Variants in SVEP1 observed in about 807,000 individuals in gnomAD.
SVEP1 encodes the protein sushi, von Willebrand factor type A, EGF and pentraxin domain containing 1.
Under a neutral mutation model 367.3 loss-of-function variants are expected in SVEP1, and 164 were observed. The observed-to-expected ratio is 0.45, with a 90% CI of 0.39 to 0.51. SVEP1 has a LOEUF of 0.51. SVEP1 is among the 20% of genes least tolerant of loss of function. The pLI is 0.00. For missense variants in SVEP1, 4,117 were observed against 4,425.3 expected (o/e 0.93, Z 1.98); for synonymous variants, 1,666 against 1,611.6 (o/e 1.03, Z -0.81).
At chr9:110,478,442 C>T (rs1003486759) in intron 13 of SVEP1, among the ~76,000 whole-genome samples, 4 of 152,190 alleles carry the variant, frequency 2.6e-5, no homozygotes, top group African/African-American at 9.7e-5. Flanking sequence ...TTTAACAGCA[C>T]ATCCTATTCC....
At chr9:110,560,061 T>C (rs1005437270) in intron 1 of SVEP1, among the ~76,000 whole-genome samples, 1 of 152,146 alleles carries the variant, frequency 6.6e-6, no homozygotes, top group African/African-American at 2.4e-5. Flanking sequence ...CATAATGATG[T>C]TTTGGTCAAT....
At chr9:110,497,784 TTTTAA>T in intron 7 of SVEP1, among the ~76,000 whole-genome samples, 1 of 152,370 alleles carries the variant, frequency 6.6e-6, no homozygotes, top group East Asian at 1.9e-4. Context: ...ACATCTTTTA[TTTTAA>T]TTTATGTTAA....
chr9:110,443,266 T>C (rs1423335649), intron 27 of SVEP1: 1 of 327,844 alleles, frequency 3.1e-6, no homozygotes, highest in African/African-American at 2.1e-5. Flanking sequence ...TTAATCTCCT[T>C]AGAAGACAGT....
At chr9:110,435,512 G>T in intron 28 of SVEP1, 148 bp from the exon 29 acceptor site, 1 of 882,524 alleles carries the variant, frequency 1.1e-6, no homozygotes, top group Non-Finnish European at 1.7e-6. Flanking sequence ...GGCAGCAGGA[G>T]ATTCTCTTCT....
intron 38 of SVEP1, among the ~76,000 whole-genome samples, chr9:110,405,306 TC>T (rs1827938222): frequency 6.6e-6 from 1 of 151,580 alleles, no homozygotes; most frequent in African/African-American, 2.4e-5. Flanking sequence ...ACAGCATAAT[TC>T]ATATGTATTA....
At chr9:110,432,087 T>C (rs1451291494) in intron 31 of SVEP1, 53 bp from the exon 32 acceptor site, 1 of 1,539,054 alleles carries the variant, frequency 6.5e-7, no homozygotes, top group East Asian at 2.3e-5. Flanking sequence ...TCCGTATGTA[T>C]CAAACATCTG....
chr9:110,503,594 T>C (rs1829574865), intron 5 of SVEP1, among the ~76,000 whole-genome samples: 1 of 152,120 alleles, frequency 6.6e-6, no homozygotes, highest in African/African-American at 2.4e-5. Flanking sequence ...CAAAAGGAAG[T>C]GGTATTTTCC....
intron 8 of SVEP1, among the ~76,000 whole-genome samples, chr9:110,491,980 A>T (rs1007035599): frequency 6.6e-6 from 1 of 151,790 alleles, no homozygotes; most frequent in Non-Finnish European, 1.5e-5. Context: ...AAATTCCCAC[A>T]GCACTCAGGA....
At chr9:110,380,925 T>C (rs758548553) in intron 43 of SVEP1, among the ~76,000 whole-genome samples, 13 of 152,202 alleles carry the variant, frequency 8.5e-5, no homozygotes, top group Admixed American at 4.6e-4. Flanking sequence ...TGGAAGGGTA[T>C]ATCTGTCTAG....
At chr9:110,397,618 C>T (rs1827785558) in intron 40 of SVEP1, among the ~76,000 whole-genome samples, 1 of 145,944 alleles carries the variant, frequency 6.9e-6, no homozygotes, top group Non-Finnish European at 1.5e-5. Context: ...CCAAAATCTC[C>T]TTAAGTGGAT....
In SVEP1 at chr9:110,411,720, A is replaced by T; in HGVS notation, c.5991T>A (p.Gly1997=). 6.3e-7 allele frequency: 1 copy of T among 1,581,164 alleles called. No homozygotes were observed. The highest frequency in any genetic ancestry group is 8.6e-7 in the Non-Finnish European group (1 of 1,163,536). ...YTCKEGYTLA[G]LDTIECLADG... is the part of the protein sequence containing the mutation. ...CGGCCAGGCATTCAATGGTGTCAAG[A>T]CCAGCAAGAGTATAGCTGTGAGGTT... The change falls in exon 37 of 48, where the codon GGT becomes GGA. Residue 1997 remains glycine, a synonymous_variant. Coordinates refer to ENST00000374469, the MANE Select transcript of SVEP1 (RefSeq NM_153366.4).
intron 46 of SVEP1, among the ~76,000 whole-genome samples, chr9:110,372,047 C>G (rs977997408): frequency 6.6e-6 from 1 of 152,174 alleles, no homozygotes; most frequent in Non-Finnish European, 1.5e-5. Context: ...GGATGCTGCC[C>G]ATCTTTAGAG....
rs2118746742 is a variant in SVEP1 at position 110,499,314 on chromosome 9, A to G, written c.1484-76T>C. Reference sequence around the variant, plus strand: ...ATGCCATGGATTCTTTTTACTCAAGAAAAATACAATTATGCTGCCTTAGGA... The same window carrying G: ...ATGCCATGGATTCTTTTTACTCAAGGAAAATACAATTATGCTGCCTTAGGA... On this transcript the variant is annotated intron_variant, in intron 6 of 47. Transcript: ENST00000374469. The G allele has an allele frequency of 3.7e-6, 5 of 1,351,592 alleles. No homozygotes were observed. In the South Asian group the frequency reaches 7.0e-5, roughly 19 times the overall value. 83.7% of individuals were successfully genotyped at this position (1,351,592 alleles called of 1,614,324 possible). A position where few individuals can be genotyped will look rare whatever the true frequency, so the allele number is the denominator to read the frequency against.
At chr9:110,434,030 T>G (rs1284745752) in intron 30 of SVEP1, among the ~76,000 whole-genome samples, 1 of 152,086 alleles carries the variant, frequency 6.6e-6, no homozygotes, top group African/African-American at 2.4e-5. Flanking sequence ...TGAAGATGGC[T>G]CTCCCTGTTT....
At chr9:110,426,979 C>T (rs1277120810) in intron 36 of SVEP1, among the ~76,000 whole-genome samples, 4 of 152,074 alleles carry the variant, frequency 2.6e-5, no homozygotes, top group Non-Finnish European at 5.9e-5. Context: ...TATAAATACA[C>T]GAACGCTCAC....
chr9:110,547,546 T>G (rs535671730), intron 2 of SVEP1, among the ~76,000 whole-genome samples: 1 of 152,144 alleles, frequency 6.6e-6, no homozygotes, highest in South Asian at 2.1e-4. Flanking sequence ...CTGCACTATA[T>G]AGCCTGTGTG....
rs1363141600 is a variant in SVEP1, at chr9:110,407,426, T to A, written c.8174A>T (p.Asn2725Ile). 2 of 1,613,876 alleles carry A rather than the reference T, an allele frequency of 1.2e-6. No individual in the cohort carries two copies. Among genetic ancestry groups the A allele is most frequent in the Non-Finnish European group, 1.7e-6 (2 of 1,179,894 alleles). The change falls in exon 38 of 48, where the codon AAT (asparagine) becomes ATT (isoleucine). Residue 2725 changes from asparagine (N) to isoleucine (I), a missense_variant. Asn to Ile is a moderately radical substitution (Grantham distance 149, BLOSUM62 -3). Transcript: ENST00000374469. The stretch of plus-strand genomic sequence containing the variant: ...AGTCTCTGTAAAACGCAAAAAGCCA[T>A]TTTCAGGAGCAGTAGGCAAGTCACA... Reference protein sequence around the residue: ...IECDLPTAPENGFLRFTETSM... With the variant: ...IECDLPTAPEIGFLRFTETSM...
At chr9:110,507,155 C>T (rs1248022783) in intron 5 of SVEP1, among the ~76,000 whole-genome samples, 1 of 152,170 alleles carries the variant, frequency 6.6e-6, no homozygotes, top group African/African-American at 2.4e-5. Flanking sequence ...GAAATAACCC[C>T]TACAAAAGAA....
chr9:110,550,478 T>TTATCTATCTATC (rs10550734), intron 1 of SVEP1, among the ~76,000 whole-genome samples: 250 of 148,958 alleles, frequency 1.7e-3, no homozygotes, highest in East Asian at 4.9e-3. Flanking sequence ...ATTCCACAAA[T>TTATCTATCTATC]TATCTATCTA....
Sources: allele counts gnomAD v4.1 joint callset (sites outside exome capture counted in the v4.1 genomes callset), GRCh38; gene constraint gnomAD v4.1.1; transcripts MANE v1.5; gene names NCBI Gene and HGNC (gene_info 2026-07-23, HGNC 2026-07-21).